The following MFSD6 variants were observed in gnomAD, a reference collection of about 807,000 sequenced individuals.
The protein encoded by MFSD6 is major facilitator superfamily domain containing 6.
In MFSD6, 26 loss-of-function variants were observed where a neutral mutation model predicts 56.3. The ratio of observed to expected loss-of-function variants is 0.46; its 90% CI spans 0.34 to 0.64. The LOEUF (loss-of-function observed/expected upper bound fraction) is 0.64, where lower values mean the gene tolerates loss of function less well. Ranked by LOEUF, MFSD6 falls within the 30% of genes least tolerant of loss-of-function variation. The pLI is 0.01. For synonymous variants in MFSD6, 331 were observed against 366.9 expected, an observed-to-expected ratio of 0.90 and a Z score of 1.12; for missense variants, 750 against 986.2, an observed-to-expected ratio of 0.76 and a Z score of 3.21.
chr2:190,492,306 A>G lies in MFSD6; in HGVS notation c.1891+2440A>G, dbSNP rs1271312944. On this transcript the variant is annotated intron_variant, in intron 6 of 7. Transcript: ENST00000392328. This position sits in a 1 kb window ranked among gnomAD's most constrained non-coding sequence, Gnocchi z 5.2. ...CAAGAATCCCAAAGAACACCTGGGA[A>G]ATTCATTGCAAAGAGATCATTGCCT... Among the ~76,000 whole-genome samples the G allele has an allele frequency of 6.6e-6, 1 of 152,220 alleles. No individual in the cohort carries two copies. Among genetic ancestry groups the G allele is most frequent in the Admixed American group, 6.5e-5 (1 of 15,280 alleles).
chr2:190,412,907 A>G lies in MFSD6; in HGVS notation c.-175-2385A>G, dbSNP rs116062039. The stretch of plus-strand genomic sequence containing the variant: ...CTCAAGTTGGCTGGGCAACTTTTGG[A>G]ATCTACCAGTCATTTGTTCAGACAA... On this transcript the variant is annotated intron_variant, in intron 1 of 7. Coordinates refer to ENST00000392328, the MANE Select transcript of MFSD6 (RefSeq NM_017694.4). This position sits in a 1 kb window ranked among gnomAD's most constrained non-coding sequence, Gnocchi z 4.1. Among the ~76,000 whole-genome samples the G allele has an allele frequency of 4.6e-5, 7 of 152,286 alleles. No homozygotes were observed. The highest frequency in any genetic ancestry group is 1.7e-4 in the African/African-American group (7 of 41,548).
At position 190,418,682 on chromosome 2, in the gene MFSD6, A is replaced by G. The variant is rs972418988; in HGVS notation, c.-54+3269A>G. Among the ~76,000 whole-genome samples the G allele has an allele frequency of 6.6e-6, 1 of 152,230 alleles. No individual in the cohort carries two copies. The highest frequency in any genetic ancestry group is 2.4e-5 in the African/African-American group (1 of 41,468). On this transcript the variant is annotated intron_variant, in intron 2 of 7. Transcript: ENST00000392328. This position sits in a 1 kb window ranked among gnomAD's most constrained non-coding sequence, Gnocchi z 4.1. Reference sequence around the variant, plus strand: ...TGAGGTGGGAGGATCACTTGAGCCCAGGAGGTCAAGGCTGCAGTGAGCTGT... The same window carrying G: ...TGAGGTGGGAGGATCACTTGAGCCCGGGAGGTCAAGGCTGCAGTGAGCTGT...
In MFSD6 at chr2:190,451,868, T is replaced by A. The variant is rs1686784925; in HGVS notation, c.1532+14307T>A. 6.6e-6 allele frequency among the ~76,000 whole-genome samples: 1 copy of A among 152,262 alleles called. No homozygotes were observed. The highest frequency in any genetic ancestry group is 1.5e-5 in the Non-Finnish European group (1 of 68,050). ...TTAGCAGGAGGTGATATAACTGATTTCTGCTTTTATGTTTTTTGAAGGCAA... is the reference window on the plus strand; with the variant it reads ...TTAGCAGGAGGTGATATAACTGATTACTGCTTTTATGTTTTTTGAAGGCAA... On this transcript the variant is annotated intron_variant, in intron 3 of 7. Transcript: ENST00000392328. The surrounding 1 kb of genome is among the most constrained non-coding windows in gnomAD (Gnocchi z 5.0).
Position 190,459,480 on chromosome 2 carries a change from G to A in MFSD6, c.1533-10278G>A, listed in dbSNP as rs900681631. Among the ~76,000 whole-genome samples, 15 of 152,180 alleles carry A rather than the reference G, an allele frequency of 9.9e-5. No individual in the cohort carries two copies. Among genetic ancestry groups the A allele is most frequent in the African/African-American group, 3.4e-4 (14 of 41,430 alleles). ...ATTTTTAAACAAAATTGTAGGGGGT[G>A]TGTGTGTGAATATGTTCAGTCATTT... On this transcript the variant is annotated intron_variant, in intron 3 of 7. Coordinates refer to ENST00000392328, the MANE Select transcript of MFSD6 (RefSeq NM_017694.4). This position sits in a 1 kb window ranked among gnomAD's most constrained non-coding sequence, Gnocchi z 5.3.
chr2:190,411,839 T>C lies in MFSD6; in HGVS notation c.-176+3336T>C, dbSNP rs1690578031. ...GTTTTCCTCCTCAATAAGAATGCTT[T>C]GGAGCATACACAATTTATCTGCTTG... is the stretch of plus-strand genomic sequence containing the variant. On this transcript the variant is annotated intron_variant, in intron 1 of 7. Coordinates refer to ENST00000392328, the MANE Select transcript of MFSD6 (RefSeq NM_017694.4). 4 of 985,404 alleles carry C rather than the reference T, an allele frequency of 4.1e-6. No individual in the cohort carries two copies. The African/African-American group carries it at 5.2e-5, about 13-fold the overall frequency. The allele number at this position is 985,404 out of a possible 1,614,324, so 61.0% of individuals were successfully genotyped here.
Position 190,497,279 on chromosome 2 carries a change from T to TA in MFSD6, c.1892-159dup, listed in dbSNP as rs1454637889. ...ACATCATGTTCATTGATTCAGTACT[T>TA]ACACCAAGTAATGAAGTCATTGGTA... On this transcript the variant is annotated intron_variant, in intron 6 of 7. Coordinates refer to ENST00000392328, the MANE Select transcript of MFSD6 (RefSeq NM_017694.4). This position sits in a 1 kb window ranked among gnomAD's most constrained non-coding sequence, Gnocchi z 5.2. 6.6e-6 allele frequency among the ~76,000 whole-genome samples: 1 copy of TA among 152,178 alleles called. No individual in the cohort carries two copies. Among genetic ancestry groups the TA allele is most frequent in the Non-Finnish European group, 1.5e-5 (1 of 68,040 alleles).
At chr2:190,427,852 C>T (rs1333340873) in intron 2 of MFSD6, among the ~76,000 whole-genome samples, 1 of 152,130 alleles carries the variant, frequency 6.6e-6, no homozygotes, top group African/African-American at 2.4e-5. Context: ...CTGTCTCAGC[C>T]TCCTGAGTAG....
intron 4 of MFSD6, among the ~76,000 whole-genome samples, chr2:190,478,835 T>TTA (rs1553521739): frequency 6.7e-6 from 1 of 149,480 alleles, no homozygotes; most frequent in Non-Finnish European, 1.5e-5. Flanking sequence ...GGGTCTTCCT[T>TTA]AAAAAAAAAA....
Position 190,456,932 on chromosome 2 carries a change from T to C in MFSD6, c.1533-12826T>C, listed in dbSNP as rs1457626967. 6.6e-6 allele frequency among the ~76,000 whole-genome samples: 1 copy of C among 152,182 alleles called. No individual in the cohort carries two copies. The highest frequency in any genetic ancestry group is 1.5e-5 in the Non-Finnish European group (1 of 68,026). ...TGGCATTTGCTTTTCTACTTTCCTC[T>C]TACCCCAGTCTTCCCAATGACTCGT... On this transcript the variant is annotated intron_variant, in intron 3 of 7. Transcript: ENST00000392328. This position sits in a 1 kb window ranked among gnomAD's most constrained non-coding sequence, Gnocchi z 5.4.
In MFSD6 at chr2:190,426,100, C is replaced by A. The variant is rs891836818; in HGVS notation, c.-53-9877C>A. ...GGAATCTGTAGGTTTATGTCTTTTG[C>A]CAATTTGAGAAGTTTTTAGCCTTTA... On this transcript the variant is annotated intron_variant, in intron 2 of 7. Transcript: ENST00000392328. The surrounding 1 kb of genome is among the most constrained non-coding windows in gnomAD (Gnocchi z 4.7). Among the ~76,000 whole-genome samples, 5 of 152,152 alleles carry A rather than the reference C, an allele frequency of 3.3e-5. No homozygotes were observed. The highest frequency in any genetic ancestry group is 6.5e-5 in the Admixed American group (1 of 15,280).
rs1043186175 is a variant in MFSD6, at chr2:190,418,755, T to TA, written c.-54+3349dup. ...CTGGGTGGCAGAAGGAGCCCCTATC[T>TA]AAAAAAACAAAACAAAACAAAAGAA... On this transcript the variant is annotated intron_variant, in intron 2 of 7. Transcript: ENST00000392328. This position sits in a 1 kb window ranked among gnomAD's most constrained non-coding sequence, Gnocchi z 4.1. 2.6e-5 allele frequency among the ~76,000 whole-genome samples: 4 copies of TA among 152,242 alleles called. No homozygotes were observed. The highest frequency in any genetic ancestry group is 6.5e-5 in the Admixed American group (1 of 15,288).
At position 190,499,051 on chromosome 2, in the gene MFSD6, A is replaced by C. The variant is rs1689874489; in HGVS notation, c.2173-964A>C. The stretch of plus-strand genomic sequence containing the variant: ...TAATCCCAGCTACTATGGAAGGCTG[A>C]GGCAGAGAATTGCTTGAACCCAGCA... On this transcript the variant is annotated intron_variant, in intron 7 of 7. Transcript: ENST00000392328. This position sits in a 1 kb window ranked among gnomAD's most constrained non-coding sequence, Gnocchi z 6.0. 6.6e-6 allele frequency among the ~76,000 whole-genome samples: 1 copy of C among 152,162 alleles called. No homozygotes were observed. The highest frequency in any genetic ancestry group is 1.5e-5 in the Non-Finnish European group (1 of 68,030).
At chr2:190,422,623 G>C (rs1685662497) in intron 2 of MFSD6, among the ~76,000 whole-genome samples, 1 of 152,140 alleles carries the variant, frequency 6.6e-6, no homozygotes, top group South Asian at 2.1e-4. Context: ...TACTCTGAAA[G>C]TTTGTAAGGT....
At position 190,488,502 on chromosome 2, in the gene MFSD6, G is replaced by C. The variant is rs765871894; in HGVS notation, c.1631-155G>C. On this transcript the variant is annotated intron_variant, in intron 4 of 7. Transcript: ENST00000392328. The surrounding 1 kb of genome is among the most constrained non-coding windows in gnomAD (Gnocchi z 6.4). The stretch of plus-strand genomic sequence containing the variant: ...TGAGTGTACTCAGTGCCACTGAACC[G>C]TACATTTAAAAATGTGAAAATGGTA... 2.0e-5 allele frequency among the ~76,000 whole-genome samples: 3 copies of C among 152,184 alleles called. No homozygotes were observed. Among genetic ancestry groups the C allele is most frequent in the African/African-American group, 2.4e-5 (1 of 41,450 alleles).
chr2:190,451,028 G>C lies in MFSD6; in HGVS notation c.1532+13467G>C, dbSNP rs1178745168. Among the ~76,000 whole-genome samples, 2 of 152,192 alleles carry C rather than the reference G, an allele frequency of 1.3e-5. No homozygotes were observed. The highest frequency in any genetic ancestry group is 3.8e-4 in the East Asian group (2 of 5,204). On this transcript the variant is annotated intron_variant, in intron 3 of 7. Transcript: ENST00000392328. This position sits in a 1 kb window ranked among gnomAD's most constrained non-coding sequence, Gnocchi z 5.0. Reference sequence around the variant, plus strand: ...CATTCCATTGAGGAGAATGAGAAGAGAGCAAGTTGGTCTAGGCTTGACTCC... The same window carrying C: ...CATTCCATTGAGGAGAATGAGAAGACAGCAAGTTGGTCTAGGCTTGACTCC...
intron 2 of MFSD6, 187 bp from the exon 3 acceptor site, chr2:190,435,790 G>T (rs527751311): frequency 2.1e-6 from 1 of 486,342 alleles, no homozygotes; most frequent in South Asian, 3.5e-5. Flanking sequence ...GCCATAAAGA[G>T]TATTCGATTT....
Position 190,436,932 on chromosome 2 carries a change from C to T in MFSD6, c.903C>T (p.Phe301=). 1.2e-6 allele frequency: 2 copies of T among 1,614,240 alleles called. No individual in the cohort carries two copies. Among genetic ancestry groups the T allele is most frequent in the Non-Finnish European group, 1.7e-6 (2 of 1,180,052 alleles). Residue 301 remains phenylalanine, a synonymous_variant, in exon 3 of 8, where the codon TTC becomes TTT. Coordinates refer to ENST00000392328, the MANE Select transcript of MFSD6 (RefSeq NM_017694.4). The surrounding 1 kb of genome is among the most constrained non-coding windows in gnomAD (Gnocchi z 5.3). ...ILVVVIIGEF[F]SASSVTIVDT... ...TAGTTGTCATAATAGGAGAATTTTT[C>T]AGTGCCTCTTCTGTCACAATCGTAG...
chr2:190,414,451 G>T (rs1386876416), intron 1 of MFSD6, among the ~76,000 whole-genome samples: 2 of 152,298 alleles, frequency 1.3e-5, no homozygotes, highest in East Asian at 1.9e-4. Flanking sequence ...TTAAATAAAA[G>T]ACTTTATTAT....
chr2:190,435,301 A>C (rs1322929787), intron 2 of MFSD6: 1 of 152,242 alleles, frequency 6.6e-6, no homozygotes, highest in Non-Finnish European at 1.5e-5. Flanking sequence ...AAGATCTTTT[A>C]ATCTTATCTG....
Sources: gnomAD v4.1 joint callset for allele counts (sites outside exome capture counted in the v4.1 genomes callset) on GRCh38, gnomAD v4.1.1 for gene constraint, Gnocchi (gnomAD v3.1) non-coding constraint, MANE v1.5 for transcripts, NCBI Gene and HGNC (gene_info 2026-07-23, HGNC 2026-07-21) for gene names.